MTF2: variants seen among roughly 807,000 people sequenced by gnomAD.
MTF2 encodes metal-response element-binding transcription factor 2.
Under a neutral mutation model 79.5 loss-of-function variants are expected in MTF2, and 11 were observed. The observed-to-expected ratio is 0.14, with a 90% CI of 0.09 to 0.23. MTF2 has a LOEUF of 0.23. MTF2 is among the 10% of genes least tolerant of loss of function. The pLI is 1.00. For missense variants in MTF2, 486 were observed against 711.2 expected (o/e 0.68, Z 3.60); for synonymous variants, 208 against 232.8 (o/e 0.89, Z 0.97).
intron 9 of MTF2, chr1:93,121,331 T>C: frequency 1.2e-6 from 1 of 843,268 alleles, no homozygotes; most frequent in Non-Finnish European, 1.4e-6. Flanking sequence ...ATAAGTTTAA[T>C]AGTTAGGGAC....
In MTF2 at chr1:93,133,708, T is replaced by C; in HGVS notation, c.1166T>C (p.Val389Ala). ...ATAATGGTTTTCCATTTCAGGGAAG[T>C]AAGCAATGGCATAGAAAAAAAAGGA... ...ASKPISDSRE[V>A]SNGIEKKGKK... The change falls in exon 12 of 15, where the codon GTA (valine) becomes GCA (alanine). Residue 389 changes from valine to alanine, a missense_variant. This residue lies in a region of MTF2 where 209 missense variants were observed against 206.5 expected (regional missense o/e 1.01). Transcript: ENST00000370298. 6.2e-7 allele frequency: 1 copy of C among 1,607,458 alleles called. No individual in the cohort carries two copies. The highest frequency in any genetic ancestry group is 2.2e-5 in the East Asian group (1 of 44,756).
chr1:93,082,005 T>C (rs1403558862), intron 1 of MTF2, among the ~76,000 whole-genome samples: 1 of 152,182 alleles, frequency 6.6e-6, no homozygotes, highest in Non-Finnish European at 1.5e-5. Flanking sequence ...GATGAAGTAT[T>C]CATTTTTACC....
At chr1:93,098,003 A>G (rs763847819) in intron 1 of MTF2, among the ~76,000 whole-genome samples, 9 of 152,188 alleles carry the variant, frequency 5.9e-5, no homozygotes, top group Non-Finnish European at 1.2e-4. Flanking sequence ...GATGTGTGCC[A>G]GGTACAGGGG....
chr1:93,079,589 G>GAGGA (rs752791633), intron 1 of MTF2, 58 bp downstream of exon 1: 337 of 1,601,746 alleles, frequency 2.1e-4, no homozygotes, highest in Non-Finnish European at 2.6e-4. Context: ...TTGGGGGAAG[G>GAGGA]AGGAAGAAAG....
chr1:93,118,163 A>G (rs1442578947), intron 6 of MTF2, among the ~76,000 whole-genome samples, 182 bp from the exon 7 acceptor site: 2 of 152,174 alleles, frequency 1.3e-5, no homozygotes, highest in Admixed American at 6.5e-5. Context: ...GAGGGATGAA[A>G]TAGCTGATAC....
chr1:93,081,175 C>A (rs1181257164), intron 1 of MTF2, among the ~76,000 whole-genome samples: 1 of 152,144 alleles, frequency 6.6e-6, no homozygotes, highest in Admixed American at 6.5e-5. Context: ...CAGAAATCAT[C>A]TTGTTAAGCC....
intron 10 of MTF2, 48 bp downstream of exon 10, chr1:93,127,347 G>C: frequency 8.4e-7 from 1 of 1,196,452 alleles, no homozygotes; most frequent in Non-Finnish European, 1.2e-6. Context: ...CATTTAGTAA[G>C]TATAAGGAAT....
At chr1:93,103,131 A>C (rs1325979426) in intron 1 of MTF2, among the ~76,000 whole-genome samples, 1 of 149,268 alleles carries the variant, frequency 6.7e-6, no homozygotes, top group Non-Finnish European at 1.5e-5. Flanking sequence ...GACTAGCTCA[A>C]AAAAAAAAAG....
intron 1 of MTF2, among the ~76,000 whole-genome samples, chr1:93,104,461 A>T (rs1192502139): frequency 2.0e-5 from 3 of 151,788 alleles, no homozygotes; most frequent in Admixed American, 6.6e-5. Context: ...CGGGTGGATC[A>T]CAAGGTCAGG....
chr1:93,135,744 A>AG (rs1464833716), intron 14 of MTF2, among the ~76,000 whole-genome samples: 1 of 152,202 alleles, frequency 6.6e-6, no homozygotes, highest in Non-Finnish European at 1.5e-5. Flanking sequence ...CCAGGAGGTC[A>AG]GGGCTCCTGT....
chr1:93,133,674 A>G, intron 11 of MTF2, 29 bp from the exon 12 acceptor site: 2 of 1,510,694 alleles, frequency 1.3e-6, no homozygotes, highest in Admixed American at 1.7e-5. Context: ...TTATGCAGAG[A>G]TTAAATGCAT....
chr1:93,084,157 T>C (rs1328403040), intron 1 of MTF2, among the ~76,000 whole-genome samples: 3 of 152,298 alleles, frequency 2.0e-5, no homozygotes, highest in African/African-American at 7.2e-5. Flanking sequence ...TTTGAGTCAA[T>C]TTTTTATATA....
At chr1:93,129,177 G>A in intron 10 of MTF2, 101 bp from the exon 11 acceptor site, 1 of 742,536 alleles carries the variant, frequency 1.3e-6, no homozygotes, top group Non-Finnish European at 2.0e-6. Context: ...TATTGGGTGG[G>A]CTTTCAAGTA....
In MTF2 at chr1:93,136,793, A is replaced by G; in HGVS notation, c.1548A>G (p.Val516=). Residue 516 remains valine (V), a synonymous_variant, in exon 15 of 15, where the codon GTA becomes GTG. Coordinates refer to ENST00000370298, the MANE Select transcript of MTF2 (RefSeq NM_007358.4). ...RALQTQNSEI[V]KDDEGKEDYQ... is the part of the protein sequence containing the mutation. ...TCCAGACTCAGAACTCAGAAATTGT[A>G]AAAGATGATGAAGGCAAAGAAGATT... The G allele has an allele frequency of 4.3e-6, 7 of 1,614,222 alleles. No homozygotes were observed. The highest frequency in any genetic ancestry group is 5.9e-6 in the Non-Finnish European group (7 of 1,180,026).
intron 1 of MTF2, among the ~76,000 whole-genome samples, chr1:93,104,371 T>C (rs893726722): frequency 3.9e-5 from 6 of 152,120 alleles, no homozygotes; most frequent in Non-Finnish European, 8.8e-5. Context: ...AGATGATTTG[T>C]GCTTAGAGAC....
intron 4 of MTF2, 67 bp downstream of exon 4, chr1:93,114,850 ATACTT>A (rs1429572354): frequency 3.0e-6 from 4 of 1,328,748 alleles, no homozygotes; most frequent in Non-Finnish European, 4.2e-6. Flanking sequence ...ATGACTAAAA[ATACTT>A]TACATTGATA....
intron 1 of MTF2, among the ~76,000 whole-genome samples, chr1:93,101,166 G>T (rs1404713910): frequency 6.6e-6 from 1 of 152,070 alleles, no homozygotes; most frequent in Non-Finnish European, 1.5e-5. Flanking sequence ...TTGAATCAGG[G>T]TCTTACTTAT....
At chr1:93,095,021 C>CT (rs935837527) in intron 1 of MTF2, among the ~76,000 whole-genome samples, 6 of 151,752 alleles carry the variant, frequency 4.0e-5, no homozygotes, top group African/African-American at 9.7e-5. Flanking sequence ...TTCCAAGTGT[C>CT]TTTTTTTTCA....
intron 7 of MTF2, among the ~76,000 whole-genome samples, chr1:93,118,920 A>G (rs147389711): frequency 4.7e-4 from 71 of 152,372 alleles, no homozygotes; most frequent in Non-Finnish European, 7.6e-4. Context: ...ATCTTGGCTT[A>G]TGCCACTTAA....
Sources: gnomAD v4.1 joint callset for allele counts (sites outside exome capture counted in the v4.1 genomes callset) on GRCh38, gnomAD v4.1.1 for gene constraint, gnomAD v4.1.1 regional missense constraint, MANE v1.5 for transcripts, NCBI Gene and HGNC (gene_info 2026-07-23, HGNC 2026-07-21) for gene names.